SDK1: variants seen among roughly 807,000 people sequenced by gnomAD.
The protein encoded by SDK1 is protein sidekick-1.
A neutral mutation model predicts 245.5 loss-of-function variants in SDK1; 157 were observed. The ratio of observed to expected loss-of-function variants is 0.64; its 90% confidence interval spans 0.56 to 0.73. The LOEUF (loss-of-function observed/expected upper bound fraction) is 0.73, where lower values mean the gene tolerates loss of function less well. Ranked by LOEUF, SDK1 falls within the 30% of genes least tolerant of loss-of-function variation. The probability of loss-of-function intolerance (pLI) is 0.00; values close to 1 mark genes in which losing one functional copy is unlikely to be tolerated. For synonymous variants in SDK1, 1,647 were observed against 1,278.5 expected (o/e 1.29, Z -6.15); for missense variants, 3,583 against 3,002.3 (o/e 1.19, Z -4.52).
intron 4 of SDK1, among the ~76,000 whole-genome samples, chr7:3,657,975 C>T (rs1387443388): frequency 6.6e-6 from 1 of 152,144 alleles, no homozygotes; most frequent in African/African-American, 2.4e-5. Context: ...AAGTGGGTCT[C>T]AGCCTGCCCA....
At chr7:4,021,682 G>C (rs1411577993) in intron 17 of SDK1, among the ~76,000 whole-genome samples, 1 of 152,218 alleles carries the variant, frequency 6.6e-6, no homozygotes, top group East Asian at 1.9e-4. Context: ...TTGGGAACGA[G>C]TATGCCCACC....
intron 9 of SDK1, among the ~76,000 whole-genome samples, chr7:3,965,762 T>C (rs1325287500): frequency 3.1e-3 from 6 of 1,956 alleles, no homozygotes; most frequent in African/African-American, 0.017. Context: ...CGGTGGCATA[T>C]TGAGCCGGGG....
chr7:4,093,147 C>G (rs1296651472), intron 22 of SDK1, among the ~76,000 whole-genome samples: 1 of 151,834 alleles, frequency 6.6e-6, no homozygotes, highest in Non-Finnish European at 1.5e-5. Flanking sequence ...ATAGGTATTT[C>G]TGGCTCAGTA....
chr7:3,469,866 A>G (rs969456959), intron 1 of SDK1, among the ~76,000 whole-genome samples: 4 of 152,178 alleles, frequency 2.6e-5, no homozygotes, highest in African/African-American at 9.6e-5. Flanking sequence ...CAGGTAGGTA[A>G]AGTGTTTCTC....
In SDK1 at chr7:3,987,071, T is replaced by C. The variant is rs1783909761; in HGVS notation, c.1995-115T>C. The C allele has an allele frequency of 1.3e-5, 13 of 994,124 alleles. 1 individual carries two copies. In the South Asian group the frequency reaches 2.0e-4, roughly 15 times the overall value. 61.6% of individuals were successfully genotyped at this position (994,124 alleles called of 1,614,324 possible). On this transcript the variant is annotated intron_variant, in intron 13 of 44. Coordinates refer to ENST00000404826, the MANE Select transcript of SDK1 (RefSeq NM_152744.4). The stretch of plus-strand genomic sequence containing the variant: ...AATATTTGTGTTTGGGCATATTTTA[T>C]GTTATTCATTTCCCAAACATGACAC...
At chr7:3,502,704 G>A (rs941598933) in intron 1 of SDK1, among the ~76,000 whole-genome samples, 2 of 152,084 alleles carry the variant, frequency 1.3e-5, no homozygotes, top group Admixed American at 6.5e-5. Flanking sequence ...ACAATTTTAT[G>A]TGTTATTGGG....
chr7:3,349,623 G>A (rs947963121), intron 1 of SDK1, among the ~76,000 whole-genome samples: 12 of 152,024 alleles, frequency 7.9e-5, no homozygotes, highest in Admixed American at 1.3e-4. Context: ...TTTTTGAGAC[G>A]TAGTCTGGCT....
At chr7:3,837,957 G>A (rs1780063219) in intron 5 of SDK1, among the ~76,000 whole-genome samples, 2 of 152,244 alleles carry the variant, frequency 1.3e-5, no homozygotes, top group African/African-American at 4.8e-5. Flanking sequence ...AGCTTGTCCT[G>A]ACCAGGAAGA....
chr7:3,880,447 C>T (rs994188726), intron 5 of SDK1, among the ~76,000 whole-genome samples: 17 of 151,376 alleles, frequency 1.1e-4, no homozygotes, highest in Admixed American at 3.3e-4. Flanking sequence ...GCCCGGCCCG[C>T]GGCGCCAACA....
intron 22 of SDK1, among the ~76,000 whole-genome samples, chr7:4,082,920 AATTTGAAC>A (rs1781155444): frequency 6.6e-6 from 1 of 152,092 alleles, no homozygotes; most frequent in African/African-American, 2.4e-5. Context: ...CGCACCTGGC[AATTTGAAC>A]ATTTTAATAT....
intron 4 of SDK1, among the ~76,000 whole-genome samples, chr7:3,694,457 C>G (rs1251807596): frequency 6.6e-6 from 1 of 152,146 alleles, no homozygotes; most frequent in Middle Eastern, 3.2e-3. Context: ...TTGTAGTGGA[C>G]TTGGCCGTGT....
chr7:3,619,551 G>A (rs192180364), intron 2 of SDK1, among the ~76,000 whole-genome samples: 5 of 152,222 alleles, frequency 3.3e-5, no homozygotes, highest in Middle Eastern at 3.4e-3. Context: ...ACTTTCCAAG[G>A]GCAACAGCCC....
chr7:3,350,598 C>G (rs930288674), intron 1 of SDK1, among the ~76,000 whole-genome samples: 2 of 152,146 alleles, frequency 1.3e-5, no homozygotes, highest in African/African-American at 4.8e-5. Context: ...TTTTCCTAAT[C>G]AACTCTAGAC....
intron 4 of SDK1, among the ~76,000 whole-genome samples, chr7:3,809,702 C>T (rs1304243968): frequency 6.6e-6 from 1 of 152,206 alleles, no homozygotes; most frequent in Non-Finnish European, 1.5e-5. Flanking sequence ...TTCCTAGCGG[C>T]TGCTGCGTAT....
chr7:3,629,789 G>A (rs1427100260), intron 2 of SDK1, among the ~76,000 whole-genome samples: 1 of 152,210 alleles, frequency 6.6e-6, no homozygotes, highest in Non-Finnish European at 1.5e-5. Flanking sequence ...AGATCATCAA[G>A]CATATGCAGA....
chr7:3,885,074 G>C (rs1781305266), intron 5 of SDK1, among the ~76,000 whole-genome samples: 1 of 149,238 alleles, frequency 6.7e-6, no homozygotes. Flanking sequence ...TGGGGACTAT[G>C]GCTAAGGGGT....
chr7:3,536,977 C>G lies in SDK1; in HGVS notation c.299-82103C>G, dbSNP rs557897269. Among the ~76,000 whole-genome samples, 18 of 150,226 alleles carry G rather than the reference C, an allele frequency of 1.2e-4. No individual in the cohort carries two copies. The South Asian group carries it at 2.9e-3, about 24-fold the overall frequency. On this transcript the variant is annotated intron_variant, in intron 1 of 44. Transcript: ENST00000404826. ...CATTAAAAATATTTTTTTCTTCAAT[C>G]TCTCTATTTTTTTAATTGAAGTATA...
intron 5 of SDK1, among the ~76,000 whole-genome samples, chr7:3,914,344 G>A (rs893662047): frequency 5.3e-5 from 8 of 152,108 alleles, no homozygotes; most frequent in African/African-American, 1.9e-4. Context: ...ATCAGGAGGG[G>A]GCAAAGATTG....
chr7:3,914,919 G>A (rs561363982), intron 5 of SDK1, among the ~76,000 whole-genome samples: 15 of 152,328 alleles, frequency 9.8e-5, no homozygotes, highest in African/African-American at 3.6e-4. Flanking sequence ...TGTGTCTTAA[G>A]TGACGGGCAA....
Sources: allele counts gnomAD v4.1 joint callset (sites outside exome capture counted in the v4.1 genomes callset), GRCh38; gene constraint gnomAD v4.1.1; transcripts MANE v1.5; gene names NCBI Gene and HGNC (gene_info 2026-07-23, HGNC 2026-07-21).